The following FAM131A variants were observed in gnomAD, a reference collection of about 807,000 sequenced individuals.
FAM131A encodes the protein family with sequence similarity 131 member A.
FAM131A carries 24 observed loss-of-function variants against 39.2 expected under a neutral mutation model. The ratio of observed to expected loss-of-function variants is 0.61; its 90% CI spans 0.44 to 0.86. FAM131A has a LOEUF of 0.86. FAM131A is among the 40% of genes least tolerant of loss of function. FAM131A has a pLI of 0.00. For missense variants in FAM131A, 373 were observed against 481.2 expected (o/e 0.78, Z 2.10); for synonymous variants, 202 against 206.8 (o/e 0.98, Z 0.20).
intron 1 of FAM131A, 30 bp from the exon 2 acceptor site, chr3:184,338,357 C>T (rs144234003): frequency 7.0e-7 from 1 of 1,419,422 alleles, no homozygotes; most frequent in Admixed American, 3.0e-5. Context: ...AGTAGGGGCA[C>T]AGCTCAACAG....
chr3:184,344,443 T>C (rs1577292201), intron 5 of FAM131A, 52 bp from the exon 6 acceptor site: 2 of 1,485,384 alleles, frequency 1.3e-6, no homozygotes, highest in African/African-American at 1.4e-5. Context: ...TTCCAGGTTG[T>C]CCAGTTGAAA....
rs1253464293 is a variant in FAM131A at position 184,345,470 on chromosome 3, T to C, written c.*500T>C. 1 of 700,456 alleles carries C rather than the reference T, an allele frequency of 1.4e-6. No homozygotes were observed. Among genetic ancestry groups the C allele is most frequent in the African/African-American group, 1.8e-5 (1 of 56,946 alleles). The allele number at this position is 700,456 out of a possible 1,614,324, so 43.4% of individuals were successfully genotyped here. ...CTGGCTCCTGCCCTCCCGGAGCCTA[T>C]GGGTTGAGCCGTCCCTCAAGGGCCC... On this transcript the variant is annotated 3_prime_UTR_variant, in exon 6 of 6. Coordinates refer to ENST00000383847, the MANE Select transcript of FAM131A (RefSeq NM_144635.5).
chr3:184,344,835 A>G lies in FAM131A; in HGVS notation c.966A>G (p.Pro322=), dbSNP rs142507952. 136 of 1,611,468 alleles carry G rather than the reference A, an allele frequency of 8.4e-5. No individual in the cohort carries two copies. The highest frequency in any genetic ancestry group is 1.0e-4 in the Non-Finnish European group (119 of 1,179,868). ...ESCLSPAEEE[P]APCKDCQPLC... is the part of the protein sequence containing the mutation. ...GCCTTTCCCCCGCGGAGGAGGAGCC[A>G]GCCCCCTGCAAGGACTGCCAGCCAC... The change falls in exon 6 of 6, where the codon CCA becomes CCG. Residue 322 remains proline (P), a synonymous_variant. Transcript: ENST00000383847.
chr3:184,337,420 T>C (rs1316310108), upstream of FAM131A: 1 of 581,706 alleles, frequency 1.7e-6, no homozygotes, highest in Non-Finnish European at 3.1e-6. Flanking sequence ...GGAATGGGCC[T>C]CAGCTCCCCG....
chr3:184,341,769 G>A lies in FAM131A; in HGVS notation c.277G>A (p.Ala93Thr), dbSNP rs1455012738. ...CGCGATGCTGCCCAAGTCCCGGCGA[G>A]CCCTAACTATCCAGGAGATCGCTGC... is the stretch of plus-strand genomic sequence containing the variant. ...TVAMLPKSRRALTIQEIAALA... is the reference protein window; with the variant it reads ...TVAMLPKSRRTLTIQEIAALA... The change falls in exon 3 of 6, where the codon GCC becomes ACC. Residue 93 changes from alanine to threonine, a missense_variant. Transcript: ENST00000383847. 7.4e-6 allele frequency: 12 copies of A among 1,613,070 alleles called. No individual in the cohort carries two copies. The highest frequency in any genetic ancestry group is 1.0e-5 in the Non-Finnish European group (12 of 1,180,014).
chr3:184,345,006 G>T lies in FAM131A; in HGVS notation c.*36G>T. 1 of 1,469,048 alleles carries T rather than the reference G, an allele frequency of 6.8e-7. No homozygotes were observed. Among genetic ancestry groups the T allele is most frequent in the Non-Finnish European group, 9.0e-7 (1 of 1,108,578 alleles). 91.0% of individuals were successfully genotyped at this position (1,469,048 alleles called of 1,614,324 possible). On this transcript the variant is annotated 3_prime_UTR_variant, in exon 6 of 6. Coordinates refer to ENST00000383847, the MANE Select transcript of FAM131A (RefSeq NM_144635.5). ...GCCTGGCAGTGGCATGCATCCCCCGGCTGCTGCCAGGGGCAGAGCCTCTGT... is the reference window on the plus strand; with the variant it reads ...GCCTGGCAGTGGCATGCATCCCCCGTCTGCTGCCAGGGGCAGAGCCTCTGT...
rs1391215761 is a variant in FAM131A, at chr3:184,337,821, C to T, written c.88+103C>T. 15 of 1,204,276 alleles carry T rather than the reference C, an allele frequency of 1.2e-5. No homozygotes were observed. The Admixed American group carries it at 3.1e-4, about 25-fold the overall frequency. The allele number at this position is 1,204,276 out of a possible 1,614,324, so 74.6% of individuals were successfully genotyped here. On this transcript the variant is annotated intron_variant, in intron 1 of 5. Coordinates refer to ENST00000383847, the MANE Select transcript of FAM131A (RefSeq NM_144635.5). ...ATTACTCTGGCTTAGATATTAAGAA[C>T]CAGGCTGAAACAGGGAGAACCAGGC...
intron 2 of FAM131A, chr3:184,340,807 C>A (rs185431160): frequency 6.6e-6 from 1 of 152,202 alleles, no homozygotes; most frequent in East Asian, 1.9e-4. Flanking sequence ...AAATGGGGTA[C>A]GTTGATGGAG....
chr3:184,336,466 G>T (rs1230716875), upstream of FAM131A, among the ~76,000 whole-genome samples: 1 of 152,132 alleles, frequency 6.6e-6, no homozygotes, highest in Non-Finnish European at 1.5e-5. The surrounding 1 kb of genome is among the most constrained non-coding windows in gnomAD (Gnocchi z 5.5). Context: ...TCGGCGACTG[G>T]CCTTGCGCGC....
intron 1 of FAM131A, among the ~76,000 whole-genome samples, 200 bp downstream of exon 1, chr3:184,337,918 C>T (rs1280564319): frequency 1.3e-5 from 2 of 151,968 alleles, no homozygotes; most frequent in East Asian, 1.9e-4. Flanking sequence ...ATCATGAGTT[C>T]GTCAGAAAAG....
rs1045689770 is a variant in FAM131A, at chr3:184,342,591, C to A, written c.509-153C>A. Among the ~76,000 whole-genome samples the A allele has an allele frequency of 2.0e-5, 3 of 152,204 alleles. No individual in the cohort carries two copies. The highest frequency in any genetic ancestry group is 7.2e-5 in the African/African-American group (3 of 41,440). The stretch of plus-strand genomic sequence containing the variant: ...AAAGTGCTGGGATTACAGGCATAAG[C>A]CACCACACCCGGCCAGGGCTGCTTT... On this transcript the variant is annotated intron_variant, in intron 4 of 5. Coordinates refer to ENST00000383847, the MANE Select transcript of FAM131A (RefSeq NM_144635.5). This position sits in a 1 kb window ranked among gnomAD's most constrained non-coding sequence, Gnocchi z 4.6.
chr3:184,345,451 C>T lies in FAM131A; in HGVS notation c.*481C>T, dbSNP rs1230964644. The T allele has an allele frequency of 5.8e-6, 4 of 690,994 alleles. No individual in the cohort carries two copies. Among genetic ancestry groups the T allele is most frequent in the Admixed American group, 2.2e-5 (1 of 45,966 alleles). The allele number at this position is 690,994 out of a possible 1,614,324, so 42.8% of individuals were successfully genotyped here. On this transcript the variant is annotated 3_prime_UTR_variant, in exon 6 of 6. Transcript: ENST00000383847. ...TCACCCCCACCTGGAGGGGCTGGCTCCTGCCCTCCCGGAGCCTATGGGTTG... is the reference window on the plus strand; with the variant it reads ...TCACCCCCACCTGGAGGGGCTGGCTTCTGCCCTCCCGGAGCCTATGGGTTG...
chr3:184,341,594 G>A (rs780056645), intron 2 of FAM131A, 130 bp from the exon 3 acceptor site: 43 of 687,906 alleles, frequency 6.3e-5, no homozygotes, highest in Non-Finnish European at 1.1e-4. Flanking sequence ...TTTCCCTGTA[G>A]CCACTGGGAC....
chr3:184,344,877 G>A lies in FAM131A; in HGVS notation c.1008G>A (p.Thr336=), dbSNP rs759969947. 1.4e-5 allele frequency: 23 copies of A among 1,610,628 alleles called. No homozygotes were observed. Among genetic ancestry groups the A allele is most frequent in the South Asian group, 4.4e-5 (4 of 91,078 alleles). Reference sequence around the variant, plus strand: ...GCCAGCCACTCTGCCCACCACTAACGGGCAGCTGGGAACGGCAGCGGCAAG... The same window carrying A: ...GCCAGCCACTCTGCCCACCACTAACAGGCAGCTGGGAACGGCAGCGGCAAG... ...KDCQPLCPPL[T]GSWERQRQAS... The change falls in exon 6 of 6, where the codon ACG becomes ACA. Residue 336 remains threonine (T), a synonymous_variant. Transcript: ENST00000383847.
At position 184,342,976 on chromosome 3, in the gene FAM131A, TCAGTCCAGG is replaced by T. The variant is rs1422324467; in HGVS notation, c.625+120_625+128del. 2 of 894,912 alleles carry T rather than the reference TCAGTCCAGG, an allele frequency of 2.2e-6. No homozygotes were observed. The highest frequency in any genetic ancestry group is 3.3e-5 in the African/African-American group (2 of 61,128). The allele number at this position is 894,912 out of a possible 1,614,324, so 55.4% of individuals were successfully genotyped here. On this transcript the variant is annotated intron_variant, in intron 5 of 5. Transcript: ENST00000383847. This position sits in a 1 kb window ranked among gnomAD's most constrained non-coding sequence, Gnocchi z 4.6. ...TGCAAGGGGAGGGAGAGGGACAGACTCAGTCCAGGCAGGCCTGGACACTCCAGGGACAGG... is the reference window on the plus strand; with the variant it reads ...TGCAAGGGGAGGGAGAGGGACAGACTCAGGCCTGGACACTCCAGGGACAGG...
chr3:184,341,799 G>A lies in FAM131A; in HGVS notation c.307G>A (p.Ala103Thr). Residue 103 changes from alanine (A) to threonine (T), a missense_variant, in exon 3 of 6, where the codon GCC becomes ACC. By Grantham distance (58) the Ala-to-Thr change is moderately conservative. This residue lies in a region of FAM131A where 221 missense variants were observed against 347.7 expected (regional missense o/e 0.64). Transcript: ENST00000383847. Reference protein sequence around the residue: ...ALTIQEIAALARSSLHGISQV... With the variant: ...ALTIQEIAALTRSSLHGISQV... ...AACTATCCAGGAGATCGCTGCGCTG[G>A]CCAGGTCCTCCCTGCATGGTATGCA... 1 of 1,614,050 alleles carries A rather than the reference G, an allele frequency of 6.2e-7. No homozygotes were observed.
chr3:184,345,251 C>T lies in FAM131A; in HGVS notation c.*281C>T. 1 of 539,832 alleles carries T rather than the reference C, an allele frequency of 1.9e-6. No individual in the cohort carries two copies. The highest frequency in any genetic ancestry group is 3.2e-5 in the East Asian group (1 of 31,116). 33.4% of individuals were successfully genotyped at this position (539,832 alleles called of 1,614,324 possible). On this transcript the variant is annotated 3_prime_UTR_variant, in exon 6 of 6. Transcript: ENST00000383847. ...TGTGGCAGACAGTGATGTTCATGTT[C>T]TTAAAATGCCACACACACATTTCCT...
In FAM131A at chr3:184,342,192, C is replaced by A. The variant is rs750961455; in HGVS notation, c.452C>A (p.Ala151Asp). The A allele has an allele frequency of 6.2e-7, 1 of 1,614,214 alleles. No individual in the cohort carries two copies. Among genetic ancestry groups the A allele is most frequent in the Admixed American group, 1.7e-5 (1 of 60,034 alleles). Residue 151 changes from alanine to aspartate, a missense_variant, in exon 4 of 6, where the codon GCC becomes GAC. Physicochemically the swap from Ala to Asp is moderately radical, Grantham distance 126. Around this residue, in one of 2 missense-constraint regions of FAM131A, gnomAD observed 221 missense variants for 347.7 expected, o/e 0.64. Coordinates refer to ENST00000383847, the MANE Select transcript of FAM131A (RefSeq NM_144635.5). The surrounding 1 kb of genome is among the most constrained non-coding windows in gnomAD (Gnocchi z 4.6). The part of the protein sequence containing the change: ...PSDSPAALES[A>D]FSSYSDLSEG... ...GACTCACCTGCTGCCCTGGAATCAG[C>A]CTTTTCCTCCTATTCAGACCTCAGC... is the stretch of plus-strand genomic sequence containing the variant.
rs2108546179 is a variant in FAM131A at position 184,342,470 on chromosome 3, G to A, written c.508+222G>A. 6.6e-6 allele frequency among the ~76,000 whole-genome samples: 1 copy of A among 152,266 alleles called. No homozygotes were observed. The highest frequency in any genetic ancestry group is 2.1e-4 in the South Asian group (1 of 4,820). On this transcript the variant is annotated intron_variant, in intron 4 of 5. Coordinates refer to ENST00000383847, the MANE Select transcript of FAM131A (RefSeq NM_144635.5). The surrounding 1 kb of genome is among the most constrained non-coding windows in gnomAD (Gnocchi z 4.6). ...TTACAGTTGCCTGCCACCGTGCCTGGCTAATTTTTGTAGTTTTAGTAGAGA... is the reference window on the plus strand; with the variant it reads ...TTACAGTTGCCTGCCACCGTGCCTGACTAATTTTTGTAGTTTTAGTAGAGA...
Sources: allele counts gnomAD v4.1 joint callset (sites outside exome capture counted in the v4.1 genomes callset), GRCh38; gene constraint gnomAD v4.1.1; regional missense constraint gnomAD v4.1.1; non-coding constraint Gnocchi (gnomAD v3.1); transcripts MANE v1.5; gene names NCBI Gene and HGNC (gene_info 2026-07-23, HGNC 2026-07-21).